Variants in NLGN3 observed in about 807,000 individuals in gnomAD.
The protein encoded by NLGN3 is neuroligin-3.
Under a neutral mutation model 42.9 loss-of-function variants are expected in NLGN3, and 11 were observed. The observed-to-expected ratio is 0.26, with a 90% CI of 0.16 to 0.42. NLGN3 has a LOEUF of 0.42. Ranked by LOEUF, NLGN3 falls within the 10% of genes least tolerant of loss-of-function variation. The probability of loss-of-function intolerance (pLI) is 1.00; values close to 1 mark genes in which losing one functional copy is unlikely to be tolerated. For missense variants in NLGN3, 374 were observed against 733.8 expected, an observed-to-expected ratio of 0.51 and a Z score of 5.67; for synonymous variants, 279 against 312.7, an observed-to-expected ratio of 0.89 and a Z score of 1.14.
chrX:71,172,161 G>A (rs2092472255), downstream of NLGN3, among the ~76,000 whole-genome samples: 2 of 111,715 alleles, frequency 1.8e-5, no homozygotes, highest in African/African-American at 6.5e-5. Flanking sequence ...GGGAGATGGT[G>A]TAAGGGTACA....
rs182467467 is a variant in NLGN3, at chrX:71,165,225, C to T, written c.913+897C>T. On this transcript the variant is annotated intron_variant, in intron 6 of 7. Transcript: ENST00000358741. ...CTCTCTGAGAGAGAAGAACCACCTTCTTTGACCTAGAAATTCTGTCTTTGC... is the reference window on the plus strand; with the variant it reads ...CTCTCTGAGAGAGAAGAACCACCTTTTTTGACCTAGAAATTCTGTCTTTGC... 6.6e-3 allele frequency among the ~76,000 whole-genome samples: 742 copies of T among 112,066 alleles called. 9 individuals are homozygous for T. The highest frequency in any genetic ancestry group is 0.023 in the Middle Eastern group (5 of 218).
rs568075420 is a variant in NLGN3, at chrX:71,161,852, C to T, written c.728-2291C>T. ...TTGTTCCTAACCCAGGAAATTGGTACATTGGAGAAATCTGCTCTACTACAT... is the reference window on the plus strand; with the variant it reads ...TTGTTCCTAACCCAGGAAATTGGTATATTGGAGAAATCTGCTCTACTACAT... On this transcript the variant is annotated intron_variant, in intron 5 of 7. Transcript: ENST00000358741. 8.0e-5 allele frequency among the ~76,000 whole-genome samples: 9 copies of T among 113,073 alleles called. No homozygotes were observed. The South Asian group carries it at 3.2e-3, about 41-fold the overall frequency.
At chrX:71,156,284 A>G (rs1260044033) in intron 5 of NLGN3, among the ~76,000 whole-genome samples, 1 of 104,527 alleles carries the variant, frequency 9.6e-6, no homozygotes, top group Non-Finnish European at 2.0e-5. Flanking sequence ...TCCACTTTAC[A>G]CATCCACCTA....
downstream of NLGN3, among the ~76,000 whole-genome samples, chrX:71,174,723 C>G (rs1374721058): frequency 1.8e-5 from 2 of 111,814 alleles, no homozygotes; most frequent in Non-Finnish European, 3.8e-5. Context: ...TAAACCTAGG[C>G]GAATTCTTAA....
At chrX:71,152,376 C>T (rs2092394268) in intron 3 of NLGN3, among the ~76,000 whole-genome samples, 1 of 110,271 alleles carries the variant, frequency 9.1e-6, no homozygotes, top group Non-Finnish European at 1.9e-5. Context: ...CCTACATGCC[C>T]CACTGCTTTT....
In NLGN3 at chrX:71,170,062, G is replaced by A. The variant is rs1365459425; in HGVS notation, c.2512G>A (p.Gly838Arg). ...CTTTGCCGCAGGGTTCAACAGTACC[G>A]GGCTGCCCCACTCACACTCCACTAC... ...NTFAAGFNST[G>R]LPHSHSTTRV The change falls in exon 8 of 8, where the codon GGG (glycine) becomes AGG (arginine). Residue 838 changes from glycine to arginine, a missense_variant. Coordinates refer to ENST00000358741, the MANE Select transcript of NLGN3 (RefSeq NM_181303.2). 3.3e-6 allele frequency: 4 copies of A among 1,209,582 alleles called. No individual in the cohort carries two copies. Among genetic ancestry groups the A allele is most frequent in the East Asian group, 3.0e-5 (1 of 33,782 alleles).
intron 5 of NLGN3, among the ~76,000 whole-genome samples, chrX:71,161,269 C>T (rs1233353483): frequency 9.2e-6 from 1 of 108,739 alleles, no homozygotes; most frequent in African/African-American, 3.3e-5. Flanking sequence ...CACATGCCAC[C>T]AAGCCCGGCT....
At chrX:71,166,066 T>C (rs1359809732) in intron 6 of NLGN3, among the ~76,000 whole-genome samples, 4 of 110,933 alleles carry the variant, frequency 3.6e-5, no homozygotes, top group Admixed American at 9.6e-5. Flanking sequence ...TTTTTTTTTT[T>C]CTAGAGGGGA....
intron 5 of NLGN3, among the ~76,000 whole-genome samples, chrX:71,156,241 C>T (rs903184666): frequency 1.2e-4 from 13 of 107,693 alleles, no homozygotes; most frequent in Admixed American, 2.0e-4. Flanking sequence ...TACCTACACA[C>T]GCCCGTATCC....
chrX:71,146,509 A>G (rs1453374373), intron 1 of NLGN3, among the ~76,000 whole-genome samples: 1 of 110,992 alleles, frequency 9.0e-6, no homozygotes, highest in Non-Finnish European at 1.9e-5. Flanking sequence ...CCTATGTGTC[A>G]CCATTATGCT....
At chrX:71,164,757 CA>C (rs1228480346) in intron 6 of NLGN3, among the ~76,000 whole-genome samples, 1 of 111,378 alleles carries the variant, frequency 9.0e-6, no homozygotes, top group Non-Finnish European at 1.9e-5. Flanking sequence ...CAAGTCTGTA[CA>C]AGAGGGGAAA....
At chrX:71,154,466 G>A (rs1178592326) in intron 4 of NLGN3, among the ~76,000 whole-genome samples, 1 of 112,603 alleles carries the variant, frequency 8.9e-6, no homozygotes, top group African/African-American at 3.2e-5. Flanking sequence ...GGGAGCAGCC[G>A]CTTGATGGTC....
At chrX:71,166,724 G>T (rs764251576) in intron 6 of NLGN3, among the ~76,000 whole-genome samples, 1 of 111,737 alleles carries the variant, frequency 8.9e-6, no homozygotes, top group African/African-American at 3.3e-5. Flanking sequence ...AAAGAGAGGC[G>T]GCATAAGGGG....
At chrX:71,172,546 T>C (rs1602334506), downstream of NLGN3, among the ~76,000 whole-genome samples, 1 of 111,100 alleles carries the variant, frequency 9.0e-6, no homozygotes, top group South Asian at 3.8e-4. Context: ...AACACATTTT[T>C]AGCAAAAGTG....
At position 71,148,221 on chromosome X, in the gene NLGN3, C is replaced by T. The variant is rs1232125788; in HGVS notation, c.457+15C>T. The T allele has an allele frequency of 1.7e-6, 2 of 1,177,149 alleles. No individual in the cohort carries two copies. The highest frequency in any genetic ancestry group is 3.5e-5 in the African/African-American group (2 of 56,509). The stretch of plus-strand genomic sequence containing the variant: ...GACGGAGGATGGTGAGTGCTGCGGC[C>T]AGGCACTGTGCCCTCCCTGCCTCCC... On this transcript the variant is annotated intron_variant, in intron 2 of 7. Transcript: ENST00000358741.
chrX:71,168,812 GAGA>G (rs1275635146), intron 7 of NLGN3, among the ~76,000 whole-genome samples: 8 of 28,884 alleles, frequency 2.8e-4, no homozygotes, highest in African/African-American at 2.2e-3. Context: ...AAGAAAGAAA[GAGA>G]AAAAAAAAAG....
rs1302397697 is a variant in NLGN3, at chrX:71,148,870, C to T, written c.482C>T (p.Ala161Val). The T allele has an allele frequency of 8.8e-7, 1 of 1,131,235 alleles. No individual in the cohort carries two copies. Among genetic ancestry groups the T allele is most frequent in the African/African-American group, 1.9e-5 (1 of 53,798 alleles). 93.2% of individuals were successfully genotyped at this position (1,131,235 alleles called of 1,213,427 possible). ...EDVKRISKEC[A>V]RKPNKKICRK... ...GTAAAGCGGATTTCCAAGGAATGCGCCCGAAAGCCCAACAAGAAAATTTGT... is the reference window on the plus strand; with the variant it reads ...GTAAAGCGGATTTCCAAGGAATGCGTCCGAAAGCCCAACAAGAAAATTTGT... The change falls in exon 3 of 8, where the codon GCC becomes GTC. Residue 161 changes from alanine to valine, a missense_variant. Transcript: ENST00000358741.
chrX:71,155,168 G>A (rs1271464550), intron 4 of NLGN3, 46 bp from the exon 5 acceptor site: 1 of 1,204,239 alleles, frequency 8.3e-7, no homozygotes, highest in Non-Finnish European at 1.1e-6. Context: ...GGGTGGGGGA[G>A]CAAGGGCATC....
In NLGN3 at chrX:71,170,275, C is replaced by T. The variant is rs2092467227; in HGVS notation, c.*178C>T. 20 of 1,122,551 alleles carry T rather than the reference C, an allele frequency of 1.8e-5. No individual in the cohort carries two copies. The highest frequency in any genetic ancestry group is 4.2e-5 in the South Asian group (2 of 47,748). 92.5% of individuals were successfully genotyped at this position (1,122,551 alleles called of 1,213,427 possible). On this transcript the variant is annotated 3_prime_UTR_variant, in exon 8 of 8. Coordinates refer to ENST00000358741, the MANE Select transcript of NLGN3 (RefSeq NM_181303.2). ...AACATAGACAGATGTGGACATGCAC[C>T]CGCATGTACAAAAACACAAATACGG...
Sources: gnomAD v4.1 joint callset for allele counts (sites outside exome capture counted in the v4.1 genomes callset) on GRCh38, gnomAD v4.1.1 for gene constraint, MANE v1.5 for transcripts, NCBI Gene and HGNC (gene_info 2026-07-23, HGNC 2026-07-21) for gene names.